The following GXYLT2 variants were observed in gnomAD, a reference collection of about 807,000 sequenced individuals.
The protein encoded by GXYLT2 is glycosyltransferase 8 domain containing 4.
GXYLT2 carries 53 observed loss-of-function variants against 45.8 expected under a neutral mutation model. That is an observed-to-expected ratio of 1.16 (90% CI 0.93 to 1.46). The LOEUF is 1.46. Ranked by LOEUF, GXYLT2 falls within the 40% of genes most tolerant of loss-of-function variation. GXYLT2 has a pLI of 0.00. For missense variants in GXYLT2, 551 were observed against 544.4 expected, an observed-to-expected ratio of 1.01 and a Z score of -0.12; for synonymous variants, 219 against 214.2, an observed-to-expected ratio of 1.02 and a Z score of -0.19.
chr3:72,951,451 G>C (rs1329362388), intron 3 of GXYLT2, among the ~76,000 whole-genome samples: 3 of 152,210 alleles, frequency 2.0e-5, no homozygotes, highest in African/African-American at 7.2e-5. Context: ...TATTTATTGA[G>C]TACTTACTAT....
At chr3:72,910,847 G>A (rs963464949) in intron 2 of GXYLT2, among the ~76,000 whole-genome samples, 8 of 152,184 alleles carry the variant, frequency 5.3e-5, no homozygotes, top group African/African-American at 1.9e-4. Flanking sequence ...AGTGCTCTAT[G>A]TGGCGGAACA....
At chr3:72,920,370 A>C (rs1169527441) in intron 2 of GXYLT2, among the ~76,000 whole-genome samples, 1 of 152,064 alleles carries the variant, frequency 6.6e-6, no homozygotes, top group Admixed American at 6.6e-5. Context: ...CCTGACCTCA[A>C]GTGATCCACC....
At chr3:72,932,953 A>T (rs938326570) in intron 3 of GXYLT2, among the ~76,000 whole-genome samples, 1 of 152,246 alleles carries the variant, frequency 6.6e-6, no homozygotes, top group Non-Finnish European at 1.5e-5. Flanking sequence ...AACCAGAAGA[A>T]ATAATTTCAA....
chr3:72,937,619 A>C (rs549068414), intron 3 of GXYLT2, among the ~76,000 whole-genome samples: 1 of 152,218 alleles, frequency 6.6e-6, no homozygotes, highest in Non-Finnish European at 1.5e-5. Context: ...TTGAAGCCCA[A>C]GATTCTCCTA....
chr3:72,958,116 CA>C (rs34270330), intron 5 of GXYLT2, among the ~76,000 whole-genome samples: 25,525 of 151,204 alleles, frequency 0.17, 3,302 homozygotes, highest in East Asian at 0.41. Context: ...ACTAAAAATA[CA>C]AAAAAAATTA....
chr3:72,935,033 A>G (rs1710150095), intron 3 of GXYLT2, among the ~76,000 whole-genome samples: 1 of 152,198 alleles, frequency 6.6e-6, no homozygotes, highest in African/African-American at 2.4e-5. Flanking sequence ...ATTGCTAGAC[A>G]TTTGAAGAAA....
chr3:72,893,201 A>C (rs1459176437), intron 1 of GXYLT2, among the ~76,000 whole-genome samples: 1 of 152,126 alleles, frequency 6.6e-6, no homozygotes, highest in African/African-American at 2.4e-5. Context: ...GTGGCCTTTG[A>C]GCCCTTGCCT....
rs9810733 is a variant in GXYLT2 at position 72,917,234 on chromosome 3, G to A, written c.469-4970G>A. On this transcript the variant is annotated intron_variant, in intron 2 of 6. Coordinates refer to ENST00000389617, the MANE Select transcript of GXYLT2 (RefSeq NM_001080393.2). ...AGGATGCCGAGAGCTAAGGGAGCCC[G>A]TGAACCATGTGAATTTCCCATACTT... Among the ~76,000 whole-genome samples the A allele has an allele frequency of 5.9e-3, 894 of 152,180 alleles. 7 individuals carry two copies. The highest frequency in any genetic ancestry group is 0.02 in the African/African-American group (838 of 41,510).
At chr3:72,895,912 A>G (rs1046179587) in intron 1 of GXYLT2, among the ~76,000 whole-genome samples, 2 of 152,240 alleles carry the variant, frequency 1.3e-5, no homozygotes, top group African/African-American at 2.4e-5. Flanking sequence ...GGTACAATTT[A>G]TAATCCAAGC....
chr3:72,973,827 G>T (rs1711041992), intron 6 of GXYLT2, among the ~76,000 whole-genome samples: 1 of 152,152 alleles, frequency 6.6e-6, no homozygotes, highest in African/African-American at 2.4e-5. Context: ...GCTTCAAGGG[G>T]TTTATCAATG....
At position 72,908,545 on chromosome 3, in the gene GXYLT2, G is replaced by A. The variant is rs142024018; in HGVS notation, c.454G>A (p.Glu152Lys). ...HIFTEDSLKP[E>K]FDKQLRQWPD... Reference sequence around the variant, plus strand: ...CTTCACTGAAGACTCTCTGAAGCCCGAGTTTGATAAGCAGGTGAATTTGCA... The same window carrying A: ...CTTCACTGAAGACTCTCTGAAGCCCAAGTTTGATAAGCAGGTGAATTTGCA... The change falls in exon 2 of 7, where the codon GAG becomes AAG. Residue 152 changes from glutamate to lysine, a missense_variant. By Grantham distance (56) the Glu-to-Lys change is moderately conservative. Transcript: ENST00000389617. 5.6e-6 allele frequency: 9 copies of A among 1,610,914 alleles called. No homozygotes were observed. The highest frequency in any genetic ancestry group is 1.1e-5 in the South Asian group (1 of 90,514).
At chr3:72,955,051 G>T (rs1226420227) in intron 3 of GXYLT2, 47 bp from the exon 4 acceptor site, 14 of 1,587,510 alleles carry the variant, frequency 8.8e-6, no homozygotes, top group Middle Eastern at 1.7e-4. Context: ...TTTTTGTTTT[G>T]TTTTCTTCCC....
chr3:72,954,968 A>G, intron 3 of GXYLT2, 130 bp from the exon 4 acceptor site: 1 of 881,562 alleles, frequency 1.1e-6, no homozygotes, highest in Non-Finnish European at 1.7e-6. Flanking sequence ...GTACCTTTCC[A>G]GAATTTAATA....
At chr3:72,974,156 A>G (rs1393165751) in intron 6 of GXYLT2, among the ~76,000 whole-genome samples, 1 of 152,164 alleles carries the variant, frequency 6.6e-6, no homozygotes, top group African/African-American at 2.4e-5. Flanking sequence ...CCTTTCAACA[A>G]GATTGTAATA....
At chr3:72,934,332 C>A (rs563554151) in intron 3 of GXYLT2, among the ~76,000 whole-genome samples, 2 of 151,852 alleles carry the variant, frequency 1.3e-5, no homozygotes, top group Non-Finnish European at 1.5e-5. Context: ...GCAGTCTGCC[C>A]GCCTCAGTCT....
intron 6 of GXYLT2, 75 bp from the exon 7 acceptor site, chr3:72,974,902 T>C (rs1034649063): frequency 9.0e-7 from 1 of 1,115,914 alleles, no homozygotes; most frequent in African/African-American, 1.6e-5. Context: ...TCCTGTGTCA[T>C]TTCTTAGTAA....
chr3:72,940,500 G>A (rs1011226560), intron 3 of GXYLT2, among the ~76,000 whole-genome samples: 2 of 152,186 alleles, frequency 1.3e-5, no homozygotes, highest in Non-Finnish European at 2.9e-5. Flanking sequence ...CACTGTTAAT[G>A]TTGGTTAATT....
chr3:72,954,531 C>T (rs574952336), intron 3 of GXYLT2, among the ~76,000 whole-genome samples: 1 of 151,114 alleles, frequency 6.6e-6, no homozygotes, highest in African/African-American at 2.4e-5. Context: ...TATTTACCCC[C>T]AAGGCTTGGT....
At chr3:72,911,991 GTGTA>G (rs1300844895) in intron 2 of GXYLT2, among the ~76,000 whole-genome samples, 22 of 131,788 alleles carry the variant, frequency 1.7e-4, no homozygotes, top group African/African-American at 7.0e-4. Context: ...GTGTGTGTGT[GTGTA>G]TATATATATA....
Sources: gnomAD v4.1 joint callset for allele counts (sites outside exome capture counted in the v4.1 genomes callset) on GRCh38, gnomAD v4.1.1 for gene constraint, MANE v1.5 for transcripts, NCBI Gene and HGNC (gene_info 2026-07-23, HGNC 2026-07-21) for gene names.